Variants in PTPN4 observed in about 807,000 individuals in gnomAD.
PTPN4 encodes tyrosine-protein phosphatase non-receptor type 4.
PTPN4 carries 49 observed loss-of-function variants against 135.5 expected under a neutral mutation model. The ratio of observed to expected loss-of-function variants is 0.36; its 90% confidence interval spans 0.29 to 0.46. PTPN4 has a LOEUF of 0.46. Among genes scored for constraint, PTPN4 ranks in the 20% least tolerant of loss-of-function variants. The pLI, the probability that PTPN4 is intolerant of heterozygous loss-of-function variation, is 1.00. For missense variants in PTPN4, 860 were observed against 1,101.0 expected, an observed-to-expected ratio of 0.78 and a Z score of 3.10; for synonymous variants, 333 against 369.9, an observed-to-expected ratio of 0.90 and a Z score of 1.14.
chr2:119,933,680 A>T (rs1023348941), intron 14 of PTPN4, among the ~76,000 whole-genome samples: 4 of 151,946 alleles, frequency 2.6e-5, no homozygotes, highest in Admixed American at 2.0e-4. Flanking sequence ...AAAAAAAAAA[A>T]ATCTAACAGC....
chr2:119,970,309 C>T (rs912041208), intron 26 of PTPN4, among the ~76,000 whole-genome samples: 1 of 152,130 alleles, frequency 6.6e-6, no homozygotes, highest in Non-Finnish European at 1.5e-5. Context: ...ATCCACCCGC[C>T]TTGGCCTCTC....
chr2:119,765,950 G>A (rs937295651), intron 1 of PTPN4, among the ~76,000 whole-genome samples: 6 of 151,782 alleles, frequency 4.0e-5, no homozygotes, highest in East Asian at 1.9e-4. Flanking sequence ...GCGCATGTGC[G>A]TTGATTGCAG....
At chr2:119,773,552 A>T (rs1012596517) in intron 1 of PTPN4, among the ~76,000 whole-genome samples, 5 of 152,122 alleles carry the variant, frequency 3.3e-5, no homozygotes, top group African/African-American at 7.2e-5. Context: ...CCTGACCTAC[A>T]TGGTGAAACC....
intron 2 of PTPN4, among the ~76,000 whole-genome samples, chr2:119,842,526 G>A (rs896345341): frequency 2.6e-5 from 4 of 152,062 alleles, no homozygotes; most frequent in Non-Finnish European, 4.4e-5. Context: ...AACACAAGAT[G>A]ACAACTCAAA....
intron 1 of PTPN4, among the ~76,000 whole-genome samples, chr2:119,774,408 G>A (rs1442807830): frequency 6.6e-6 from 1 of 152,168 alleles, no homozygotes; most frequent in Non-Finnish European, 1.5e-5. Flanking sequence ...AATCTGTGAA[G>A]CTGTTGCTAC....
chr2:119,973,096 T>A (rs1679559951), intron 26 of PTPN4, among the ~76,000 whole-genome samples: 2 of 152,062 alleles, frequency 1.3e-5, no homozygotes, highest in Admixed American at 1.3e-4. Context: ...TATACTTACA[T>A]TTTTTTGCAA....
At chr2:119,785,752 G>A (rs1488971786) in intron 1 of PTPN4, among the ~76,000 whole-genome samples, 3 of 152,036 alleles carry the variant, frequency 2.0e-5, no homozygotes, top group Admixed American at 6.5e-5. Flanking sequence ...GTGTGTCTAC[G>A]TGTGTGAGAG....
intron 18 of PTPN4, among the ~76,000 whole-genome samples, chr2:119,950,218 A>T (rs1679193087): frequency 6.6e-6 from 1 of 152,186 alleles, no homozygotes. Context: ...CTCCCAATTC[A>T]CTATACTTCA....
intron 1 of PTPN4, among the ~76,000 whole-genome samples, chr2:119,784,384 ATTTT>A (rs35755705): frequency 3.7e-5 from 4 of 107,972 alleles, no homozygotes; most frequent in Non-Finnish European, 5.4e-5. Flanking sequence ...TGCCCACCTA[ATTTT>A]TTTTTTTTTT....
intron 9 of PTPN4, among the ~76,000 whole-genome samples, chr2:119,895,596 G>A (rs574916877): frequency 7.2e-5 from 11 of 152,040 alleles, no homozygotes; most frequent in South Asian, 6.2e-4. Flanking sequence ...TCGAGATCGC[G>A]CCACTGGACA....
intron 2 of PTPN4, among the ~76,000 whole-genome samples, chr2:119,859,156 C>G (rs1677723169): frequency 6.6e-6 from 1 of 152,138 alleles, no homozygotes; most frequent in Admixed American, 6.5e-5. Flanking sequence ...CAACAGCATT[C>G]ATAATGGTTG....
Position 119,809,870 on chromosome 2 carries a change from G to T in PTPN4, c.17G>T (p.Arg6Leu). The change falls in exon 2 of 27, where the codon CGA becomes CTA. Residue 6 changes from arginine (R) to leucine (L), a missense_variant. Around this residue, in one of 2 missense-constraint regions of PTPN4, gnomAD observed 684 missense variants for 807.0 expected, o/e 0.85. Coordinates refer to ENST00000263708, the MANE Select transcript of PTPN4 (RefSeq NM_002830.4). MTSRF[R>L]LPAGRTYNVR... Reference sequence around the variant, plus strand: ...TGGACAGTAATGACCTCACGTTTCCGATTGCCTGCTGGCAGAACCTACAAT... The same window carrying T: ...TGGACAGTAATGACCTCACGTTTCCTATTGCCTGCTGGCAGAACCTACAAT... The T allele has an allele frequency of 6.2e-7, 1 of 1,608,858 alleles. No homozygotes were observed. The highest frequency in any genetic ancestry group is 8.5e-7 in the Non-Finnish European group (1 of 1,178,720).
intron 2 of PTPN4, among the ~76,000 whole-genome samples, chr2:119,845,102 C>T (rs1305686119): frequency 1.3e-5 from 2 of 149,674 alleles, no homozygotes; most frequent in South Asian, 2.1e-4. Context: ...ACCAGTCAGG[C>T]GTGGCGGCGC....
Position 119,932,514 on chromosome 2 carries a change from T to G in PTPN4, c.1161T>G (p.Ser387Arg). 1 of 1,612,084 alleles carries G rather than the reference T, an allele frequency of 6.2e-7. No homozygotes were observed. Among genetic ancestry groups the G allele is most frequent in the Non-Finnish European group, 8.5e-7 (1 of 1,178,630 alleles). ...SISDDRLETQ[S>R]LPSRSPPGTP... ...CTGATGACAGGTTAGAAACACAAAG[T>G]CTTCCATCACGATCTCCACCGGGAA... Residue 387 changes from serine to arginine, a missense_variant, in exon 14 of 27, where the codon AGT (serine) becomes AGG (arginine). By Grantham distance (110) the Ser-to-Arg change is moderately radical. Coordinates refer to ENST00000263708, the MANE Select transcript of PTPN4 (RefSeq NM_002830.4).
Position 119,760,093 on chromosome 2 carries a change from T to A in PTPN4, c.-309T>A. The A allele has an allele frequency of 2.6e-6, 1 of 386,096 alleles. No individual in the cohort carries two copies. Among genetic ancestry groups the A allele is most frequent in the Non-Finnish European group, 4.6e-6 (1 of 218,464 alleles). 23.9% of individuals were successfully genotyped at this position (386,096 alleles called of 1,614,324 possible). A position where few individuals can be genotyped will look rare whatever the true frequency, so the allele number is the denominator to read the frequency against. ...GTCGGAGGATTGGGGCCAGGCCCCC[T>A]CCCCCACGCACTTTTGGGGGTGTGG... On this transcript the variant is annotated 5_prime_UTR_variant, in exon 1 of 27. Transcript: ENST00000263708.
At chr2:119,958,252 G>C (rs1203985783) in intron 22 of PTPN4, among the ~76,000 whole-genome samples, 1 of 151,240 alleles carries the variant, frequency 6.6e-6, no homozygotes, top group African/African-American at 2.4e-5. Context: ...TGGGAGAATT[G>C]CTTGAGCCTG....
chr2:119,795,179 T>C (rs1239423193), intron 1 of PTPN4, among the ~76,000 whole-genome samples: 1 of 152,146 alleles, frequency 6.6e-6, no homozygotes, highest in East Asian at 1.9e-4. Flanking sequence ...CAGAGGGAAG[T>C]GCTTGCTGCT....
intron 26 of PTPN4, among the ~76,000 whole-genome samples, chr2:119,973,664 T>TTTG (rs1302919468): frequency 1.5e-5 from 2 of 136,722 alleles, no homozygotes; most frequent in East Asian, 4.2e-4. Context: ...TGTTTTTTTT[T>TTTG]TTTTTTTTTT....
intron 26 of PTPN4, among the ~76,000 whole-genome samples, chr2:119,972,706 C>G (rs1197195322): frequency 6.6e-6 from 1 of 151,970 alleles, no homozygotes; most frequent in African/African-American, 2.4e-5. Context: ...TATAAATGCC[C>G]TTTATCAAGT....
Sources: gnomAD v4.1 joint callset for allele counts (sites outside exome capture counted in the v4.1 genomes callset) on GRCh38, gnomAD v4.1.1 for gene constraint, gnomAD v4.1.1 regional missense constraint, MANE v1.5 for transcripts, NCBI Gene and HGNC (gene_info 2026-07-23, HGNC 2026-07-21) for gene names.